Variants in GRIA3 observed in about 807,000 individuals in gnomAD.
GRIA3 encodes the protein glutamate receptor 3.
Under a neutral mutation model 63.0 loss-of-function variants are expected in GRIA3, and 3 were observed. The ratio of observed to expected loss-of-function variants is 0.05; its 90% confidence interval spans 0.02 to 0.12. The LOEUF is 0.12. Ranked by LOEUF, GRIA3 falls within the 10% of genes least tolerant of loss-of-function variation. The pLI is 1.00. For missense variants in GRIA3, 347 were observed against 700.9 expected, an observed-to-expected ratio of 0.50 and a Z score of 5.70; for synonymous variants, 274 against 257.9, an observed-to-expected ratio of 1.06 and a Z score of -0.60.
At chrX:123,260,898 T>C (rs1313873946) in intron 3 of GRIA3, among the ~76,000 whole-genome samples, 1 of 111,231 alleles carries the variant, frequency 9.0e-6, no homozygotes, top group Non-Finnish European at 1.9e-5. Flanking sequence ...CGCACAATAA[T>C]AATAGTGAAT....
At chrX:123,348,744 T>A (rs927121286) in intron 4 of GRIA3, among the ~76,000 whole-genome samples, 3 of 112,122 alleles carry the variant, frequency 2.7e-5, no homozygotes, top group Non-Finnish European at 3.8e-5. Context: ...CAGGAAATGG[T>A]TTTGTAAGTT....
At chrX:123,252,033 C>T (rs2044393420) in intron 2 of GRIA3, among the ~76,000 whole-genome samples, 1 of 111,862 alleles carries the variant, frequency 8.9e-6, no homozygotes, top group African/African-American at 3.3e-5. Context: ...TTCATGCTTT[C>T]AATACCTTCT....
intron 12 of GRIA3, among the ~76,000 whole-genome samples, chrX:123,433,550 T>C (rs1324315354): frequency 8.9e-6 from 1 of 112,356 alleles, no homozygotes; most frequent in Non-Finnish European, 1.9e-5. Flanking sequence ...ATGAAGTCTT[T>C]GAGTCTTACC....
chrX:123,277,182 TAC>T (rs1339233375), intron 3 of GRIA3, among the ~76,000 whole-genome samples: 1 of 110,796 alleles, frequency 9.0e-6, no homozygotes, highest in Non-Finnish European at 1.9e-5. Context: ...GATGTTTTGA[TAC>T]AGACATGCAA....
chrX:123,380,017 T>C (rs1378236021), intron 5 of GRIA3, among the ~76,000 whole-genome samples: 30 of 110,556 alleles, frequency 2.7e-4, no homozygotes, highest in Admixed American at 2.1e-3. Flanking sequence ...TGTATATGTG[T>C]CACATTTTCT....
chrX:123,184,859 AG>A, intron 1 of GRIA3: 1 of 495,721 alleles, frequency 2.0e-6, no homozygotes. Flanking sequence ...GGGACAAGAG[AG>A]GGGTCTCCTG....
chrX:123,279,509 T>A (rs2044573439), intron 3 of GRIA3, among the ~76,000 whole-genome samples: 2 of 111,840 alleles, frequency 1.8e-5, no homozygotes, highest in Admixed American at 9.6e-5. Flanking sequence ...AAATTTTTTT[T>A]ATATAGAGCC....
chrX:123,306,096 G>A (rs1305887167), intron 3 of GRIA3, among the ~76,000 whole-genome samples: 1 of 112,003 alleles, frequency 8.9e-6, no homozygotes, highest in Non-Finnish European at 1.9e-5. Context: ...TTGAAAGATG[G>A]AGCTTAAGTT....
At chrX:123,322,993 C>A (rs186592833) in intron 3 of GRIA3, among the ~76,000 whole-genome samples, 1 of 112,523 alleles carries the variant, frequency 8.9e-6, no homozygotes, top group East Asian at 2.8e-4. Context: ...TGGCAGTATG[C>A]AGCCTACAAA....
intron 6 of GRIA3, among the ~76,000 whole-genome samples, chrX:123,395,792 G>C (rs1459336846): frequency 9.0e-6 from 1 of 111,421 alleles, no homozygotes; most frequent in Non-Finnish European, 1.9e-5. Context: ...TAAATTAGGG[G>C]AAAGTTATTC....
chrX:123,314,724 A>G (rs994105500), intron 3 of GRIA3, among the ~76,000 whole-genome samples: 2 of 112,263 alleles, frequency 1.8e-5, no homozygotes, highest in Non-Finnish European at 3.8e-5. Context: ...ACAAGATGAA[A>G]GAGAAAAATG....
At chrX:123,246,380 T>C (rs745941543) in intron 2 of GRIA3, among the ~76,000 whole-genome samples, 1 of 111,846 alleles carries the variant, frequency 8.9e-6, no homozygotes, top group South Asian at 3.8e-4. Flanking sequence ...TGTGTTCCTA[T>C]CTGGAAGCCC....
intron 5 of GRIA3, among the ~76,000 whole-genome samples, chrX:123,374,572 A>G (rs1216405995): frequency 9.0e-6 from 1 of 111,650 alleles, no homozygotes; most frequent in Non-Finnish European, 1.9e-5. Context: ...GGTCCTTCAC[A>G]TCTCTTGTAA....
Position 123,465,131 on chromosome X carries a change from C to T in GRIA3, c.2324+19C>T. On this transcript the variant is annotated intron_variant, in intron 13 of 15. Transcript: ENST00000620443. ...CATTAAGGTGGGTGGAATAATATAACAATATCCGTGTTGTTATAGTATTCC... is the reference window on the plus strand; with the variant it reads ...CATTAAGGTGGGTGGAATAATATAATAATATCCGTGTTGTTATAGTATTCC... 8.4e-7 allele frequency: 1 copy of T among 1,197,569 alleles called. No homozygotes were observed.
intron 2 of GRIA3, among the ~76,000 whole-genome samples, chrX:123,211,136 C>T (rs1928031417): frequency 9.0e-6 from 1 of 111,474 alleles, no homozygotes; most frequent in Admixed American, 9.5e-5. Context: ...CTTTAGTGAA[C>T]CCTTGTATAT....
At chrX:123,445,921 T>G (rs674073) in intron 12 of GRIA3, among the ~76,000 whole-genome samples, 1 of 110,893 alleles carries the variant, frequency 9.0e-6, no homozygotes, top group African/African-American at 3.3e-5. Flanking sequence ...CAGCTTTTTT[T>G]TAGGAATTCC....
At chrX:123,267,050 C>T (rs780366182) in intron 3 of GRIA3, among the ~76,000 whole-genome samples, 1 of 111,813 alleles carries the variant, frequency 8.9e-6, no homozygotes, top group East Asian at 2.8e-4. Context: ...GTTTAACTCC[C>T]TCACAATACT....
At chrX:123,445,158 T>A (rs2045696657) in intron 12 of GRIA3, among the ~76,000 whole-genome samples, 1 of 111,927 alleles carries the variant, frequency 8.9e-6, no homozygotes, top group African/African-American at 3.2e-5. Context: ...CATAGAGTAT[T>A]TCCACCACAA....
intron 15 of GRIA3, among the ~76,000 whole-genome samples, chrX:123,487,270 C>T (rs1409923492): frequency 5.3e-5 from 6 of 113,062 alleles, no homozygotes; most frequent in Non-Finnish European, 9.4e-5. Flanking sequence ...AGAAGTACTT[C>T]TGGCTTCTTT....
Sources: gnomAD v4.1 joint callset for allele counts (sites outside exome capture counted in the v4.1 genomes callset) on GRCh38, gnomAD v4.1.1 for gene constraint, MANE v1.5 for transcripts, NCBI Gene and HGNC (gene_info 2026-07-23, HGNC 2026-07-21) for gene names.